Variants in BLM observed in about 807,000 individuals in gnomAD.
BLM encodes the protein recQ-like DNA helicase BLM.
A neutral mutation model predicts 135.3 loss-of-function variants in BLM; 95 were observed. The observed-to-expected ratio is 0.70, with a 90% CI of 0.59 to 0.83. BLM has a LOEUF of 0.83. Ranked by LOEUF, BLM falls within the 40% of genes least tolerant of loss-of-function variation. BLM has a pLI of 0.00. For missense variants in BLM, 1,518 were observed against 1,663.9 expected (o/e 0.91, Z 1.53); for synonymous variants, 520 against 589.2 (o/e 0.88, Z 1.70).
rs1466876376 is a variant in BLM, at chr15:90,790,885, G to T, written c.3019+41G>T. On this transcript the variant is annotated intron_variant, in intron 15 of 21. Transcript: ENST00000355112. ...TTGTAGAGACATTCTGTCATCTTCA[G>T]CCTCATGATAGTAGTCTACTCCTGC... 3.8e-6 allele frequency: 6 copies of T among 1,571,824 alleles called. No homozygotes were observed. The African/African-American group carries it at 8.1e-5, about 21-fold the overall frequency.
intron 1 of BLM, among the ~76,000 whole-genome samples, chr15:90,725,938 A>G (rs796942427): frequency 6.6e-6 from 1 of 152,074 alleles, no homozygotes; most frequent in Non-Finnish European, 1.5e-5. Context: ...TGTAGCAGAT[A>G]TCTTCTACTT....
In BLM at chr15:90,754,852, T is replaced by C; in HGVS notation, c.1001T>C (p.Val334Ala). 6.2e-7 allele frequency: 1 copy of C among 1,613,968 alleles called. No homozygotes were observed. Among genetic ancestry groups the C allele is most frequent in the Non-Finnish European group, 8.5e-7 (1 of 1,179,944 alleles). The change falls in exon 5 of 22, where the codon GTT becomes GCT. Residue 334 changes from valine (V) to alanine (A), a missense_variant. Physicochemically the swap from Val to Ala is moderately conservative, Grantham distance 64 (BLOSUM62 0). Coordinates refer to ENST00000355112, the MANE Select transcript of BLM (RefSeq NM_000057.4). ...DLDTSDRKED[V>A]LSTSKDLLSK... ...GACACCTCTGACAGAAAAGAGGATG[T>C]TCTTAGCACATCAAAAGATCTTTTG...
chr15:90,793,902 A>C (rs896316275), intron 15 of BLM: 6 of 244,396 alleles, frequency 2.5e-5, no homozygotes, highest in Admixed American at 1.6e-4. Flanking sequence ...TGATAAATAC[A>C]GCAAATATAA....
rs28385020 is a variant in BLM, at chr15:90,763,246, A to G, written c.2074+89A>G. 2,998 of 1,367,320 alleles carry G rather than the reference A, an allele frequency of 2.2e-3. 34 individuals carry two copies. In the African/African-American group the frequency reaches 0.036, roughly 16 times the overall value. 84.7% of individuals were successfully genotyped at this position (1,367,320 alleles called of 1,614,324 possible). Reference sequence around the variant, plus strand: ...ATAGAAATAAAAAGACCACCTACACAGTATTTCTATCATTTAGGGACCTCT... The same window carrying G: ...ATAGAAATAAAAAGACCACCTACACGGTATTTCTATCATTTAGGGACCTCT... On this transcript the variant is annotated intron_variant, in intron 8 of 21. Coordinates refer to ENST00000355112, the MANE Select transcript of BLM (RefSeq NM_000057.4).
intron 1 of BLM, among the ~76,000 whole-genome samples, chr15:90,743,408 T>C (rs1284169814): frequency 6.6e-6 from 1 of 152,204 alleles, no homozygotes; most frequent in Non-Finnish European, 1.5e-5. Context: ...TTTTTTTAGT[T>C]TCTGGTTGCT....
At chr15:90,777,423 G>A (rs1241646991) in intron 12 of BLM, among the ~76,000 whole-genome samples, 1 of 152,194 alleles carries the variant, frequency 6.6e-6, no homozygotes, top group Non-Finnish European at 1.5e-5. Flanking sequence ...AAAGTGCTGG[G>A]ATTAGAGGCG....
chr15:90,806,947 T>C (rs1329030296), intron 19 of BLM, among the ~76,000 whole-genome samples: 1 of 152,242 alleles, frequency 6.6e-6, no homozygotes, highest in Non-Finnish European at 1.5e-5. Context: ...GTTTTACTGA[T>C]TTAGACATTG....
At chr15:90,783,272 G>C (rs1896663226) in intron 13 of BLM, among the ~76,000 whole-genome samples, 1 of 152,112 alleles carries the variant, frequency 6.6e-6, no homozygotes, top group African/African-American at 2.4e-5. Context: ...TTTGCATTAT[G>C]TTAACTAAAA....
intron 1 of BLM, among the ~76,000 whole-genome samples, chr15:90,717,898 T>A (rs1423724102): frequency 6.6e-6 from 1 of 152,250 alleles, no homozygotes; most frequent in East Asian, 1.9e-4. Context: ...TGTGCCATGT[T>A]CCTGGCACCC....
chr15:90,794,000 C>A, intron 15 of BLM, 167 bp from the exon 16 acceptor site: 1 of 441,760 alleles, frequency 2.3e-6, no homozygotes, highest in Non-Finnish European at 4.0e-6. Flanking sequence ...TGAGGATGAA[C>A]ATTAATACTC....
rs1555420546 is a variant in BLM at position 90,766,910 on chromosome 15, A to T, written c.2194A>T (p.Ile732Phe). ...DQVQKLTSLDIPATYLTGDKT... is the reference protein window; with the variant it reads ...DQVQKLTSLDFPATYLTGDKT... ...AATTGTTTACTACTTTTATACTTAG[A>T]TTCCAGCTACATATCTGACAGGTGA... Residue 732 changes from isoleucine (I) to phenylalanine (F), a missense_variant and splice_region_variant, in exon 10 of 22, where the codon ATT becomes TTT. Around this residue, in one of 5 missense-constraint regions of BLM, gnomAD observed 626 missense variants for 681.1 expected, o/e 0.92. Transcript: ENST00000355112. The T allele has an allele frequency of 6.4e-7, 1 of 1,567,404 alleles. No individual in the cohort carries two copies.
chr15:90,735,266 TA>T (rs1895182952), intron 1 of BLM, among the ~76,000 whole-genome samples: 1 of 135,626 alleles, frequency 7.4e-6, no homozygotes, highest in African/African-American at 2.7e-5. Flanking sequence ...TATATATATA[TA>T]TATATTTAAG....
intron 1 of BLM, among the ~76,000 whole-genome samples, chr15:90,744,518 A>G (rs1465889973): frequency 1.3e-5 from 2 of 152,034 alleles, no homozygotes; most frequent in African/African-American, 4.8e-5. Flanking sequence ...GATTACAGGC[A>G]CATGCCACCA....
chr15:90,793,373 G>A (rs1422728903), intron 15 of BLM, among the ~76,000 whole-genome samples: 1 of 152,078 alleles, frequency 6.6e-6, no homozygotes, highest in Non-Finnish European at 1.5e-5. Context: ...GACCTCAGGT[G>A]ATCCGCCCAC....
intron 2 of BLM, 197 bp downstream of exon 2, chr15:90,747,687 G>C: frequency 1.9e-6 from 1 of 529,964 alleles, no homozygotes; most frequent in Admixed American, 3.2e-5. Context: ...ATCTTTGCAT[G>C]GTTCCTGGCA....
intron 3 of BLM, among the ~76,000 whole-genome samples, chr15:90,750,519 G>A (rs1895654162): frequency 6.6e-6 from 1 of 152,128 alleles, no homozygotes; most frequent in African/African-American, 2.4e-5. Context: ...TCAGGTCGGG[G>A]CAAGATTTTA....
chr15:90,782,725 G>A, intron 12 of BLM, 97 bp from the exon 13 acceptor site: 1 of 902,968 alleles, frequency 1.1e-6, no homozygotes. Context: ...CATCACACTG[G>A]GGGTTAGGAT....
intron 16 of BLM, among the ~76,000 whole-genome samples, chr15:90,797,217 T>C (rs1204564882): frequency 6.6e-6 from 1 of 151,792 alleles, no homozygotes; most frequent in African/African-American, 2.4e-5. Context: ...AGTTAAAGAC[T>C]AGCCTGGCCA....
At chr15:90,798,124 T>G in intron 16 of BLM, 66 bp from the exon 17 acceptor site, 1 of 1,404,702 alleles carries the variant, frequency 7.1e-7, no homozygotes, top group Non-Finnish European at 9.9e-7. Flanking sequence ...TAGTTAATAT[T>G]AAACCCTAGT....
Sources: gnomAD v4.1 joint callset for allele counts (sites outside exome capture counted in the v4.1 genomes callset) on GRCh38, gnomAD v4.1.1 for gene constraint, gnomAD v4.1.1 regional missense constraint, MANE v1.5 for transcripts, NCBI Gene and HGNC (gene_info 2026-07-23, HGNC 2026-07-21) for gene names.